GRAMD1B: variants seen among roughly 807,000 people sequenced by gnomAD.
GRAMD1B encodes GRAM domain containing 1B.
In GRAMD1B, 37 loss-of-function variants were observed where a neutral mutation model predicts 99.7. The ratio of observed to expected loss-of-function variants is 0.37; its 90% CI spans 0.29 to 0.49. The LOEUF (loss-of-function observed/expected upper bound fraction) is 0.49, where lower values mean the gene tolerates loss of function less well. Ranked by LOEUF, GRAMD1B falls within the 20% of genes least tolerant of loss-of-function variation. GRAMD1B has a pLI of 0.98. For synonymous variants in GRAMD1B, 427 were observed against 387.6 expected (o/e 1.10, Z -1.19); for missense variants, 888 against 1,009.2 (o/e 0.88, Z 1.63).
rs980068185 is a variant in GRAMD1B, at chr11:123,492,791, G to C, written c.452+11898G>C. Among the ~76,000 whole-genome samples, 2 of 152,004 alleles carry C rather than the reference G, an allele frequency of 1.3e-5. No homozygotes were observed. The highest frequency in any genetic ancestry group is 2.9e-5 in the Non-Finnish European group (2 of 68,006). ...AAAGAGGGGCCAAATGGATTTCAGA[G>C]GTAGGGAGAGGCTAGAGGCAGTAGG... On this transcript the variant is annotated intron_variant, in intron 2 of 19. Transcript: ENST00000635736. This position sits in a 1 kb window ranked among gnomAD's most constrained non-coding sequence, Gnocchi z 4.2.
At chr11:123,450,392 C>G (rs1164934637) in intron 1 of GRAMD1B, among the ~76,000 whole-genome samples, 1 of 152,162 alleles carries the variant, frequency 6.6e-6, no homozygotes, top group East Asian at 1.9e-4. Flanking sequence ...ACTAATCCAA[C>G]AAACATTTAT....
chr11:123,554,338 G>C (rs773303749), intron 2 of GRAMD1B, among the ~76,000 whole-genome samples: 4 of 152,106 alleles, frequency 2.6e-5, no homozygotes, highest in Non-Finnish European at 4.4e-5. Flanking sequence ...TAGTGTATCA[G>C]TGAGGGTCCC....
intron 12 of GRAMD1B, among the ~76,000 whole-genome samples, chr11:123,609,534 A>G (rs1953242624): frequency 6.6e-6 from 1 of 152,178 alleles, no homozygotes; most frequent in Admixed American, 6.5e-5. Flanking sequence ...AGGTGGCCCC[A>G]AGACCTCCTG....
intron 4 of GRAMD1B, among the ~76,000 whole-genome samples, chr11:123,589,150 C>T (rs948085655): frequency 1.3e-5 from 2 of 151,426 alleles, no homozygotes; most frequent in African/African-American, 4.9e-5. Flanking sequence ...CATGTTGGGG[C>T]TCAAAGGGTT....
rs769635175 is a variant in GRAMD1B at position 123,626,478 on chromosome 11, G to T, written c.*3883G>T. ...ATCTTTCTGGATGCTTGTGGTCCCAGAAGGGTACTTTCTGTGTCATACCAT... is the reference window on the plus strand; with the variant it reads ...ATCTTTCTGGATGCTTGTGGTCCCATAAGGGTACTTTCTGTGTCATACCAT... On this transcript the variant is annotated 3_prime_UTR_variant, in exon 20 of 20. Transcript: ENST00000635736. The T allele has an allele frequency of 2.0e-5, 3 of 151,994 alleles. No individual in the cohort carries two copies. The highest frequency in any genetic ancestry group is 2.9e-5 in the Non-Finnish European group (2 of 68,044). 9.4% of individuals were successfully genotyped at this position (151,994 alleles called of 1,614,324 possible).
chr11:123,400,058 G>A (rs984000881), intron 1 of GRAMD1B, among the ~76,000 whole-genome samples: 1 of 152,092 alleles, frequency 6.6e-6, no homozygotes, highest in Admixed American at 6.5e-5. Context: ...GGGTTATTTG[G>A]TGTTTTGCTA....
At chr11:123,391,947 T>C (rs1026888489) in intron 1 of GRAMD1B, among the ~76,000 whole-genome samples, 2 of 152,100 alleles carry the variant, frequency 1.3e-5, no homozygotes, top group Non-Finnish European at 2.9e-5. Flanking sequence ...AGGAGATTAG[T>C]GACAAATTCT....
At chr11:123,493,732 G>C (rs1014888408) in intron 2 of GRAMD1B, among the ~76,000 whole-genome samples, 1 of 152,332 alleles carries the variant, frequency 6.6e-6, no homozygotes, top group South Asian at 2.1e-4. Context: ...TTCTGCAGTG[G>C]AAGTGTCCCT....
At chr11:123,504,784 C>T (rs11219175) in intron 2 of GRAMD1B, among the ~76,000 whole-genome samples, 5 of 152,178 alleles carry the variant, frequency 3.3e-5, no homozygotes, top group Admixed American at 2.0e-4. Flanking sequence ...CAGGTTCAAG[C>T]GATTCTCATA....
chr11:123,584,999 T>C (rs529268834), intron 4 of GRAMD1B, among the ~76,000 whole-genome samples: 1 of 152,334 alleles, frequency 6.6e-6, no homozygotes, highest in East Asian at 1.9e-4. Flanking sequence ...TTTGGACGTT[T>C]TCCTCTGCAG....
intron 1 of GRAMD1B, among the ~76,000 whole-genome samples, chr11:123,399,430 G>A (rs1947578899): frequency 6.6e-6 from 1 of 152,158 alleles, no homozygotes; most frequent in Non-Finnish European, 1.5e-5. Context: ...CCTGATTTCA[G>A]TTTCTTTGGA....
At chr11:123,477,155 C>T (rs12225257) in intron 1 of GRAMD1B, among the ~76,000 whole-genome samples, 16,997 of 151,076 alleles carry the variant, frequency 0.11, 1,325 homozygotes, top group East Asian at 0.39. Flanking sequence ...CTCTTTCTTT[C>T]TTTCCTCCTT....
At position 123,591,662 on chromosome 11, in the gene GRAMD1B, A is replaced by G. The variant is rs1305287036; in HGVS notation, c.685-2420A>G. The G allele has an allele frequency of 2.5e-6, 1 of 395,398 alleles. No individual in the cohort carries two copies. The highest frequency in any genetic ancestry group is 3.6e-5 in the East Asian group (1 of 27,924). The allele number at this position is 395,398 out of a possible 1,614,324, so 24.5% of individuals were successfully genotyped here. A position where few individuals can be genotyped will look rare whatever the true frequency, so the allele number is the denominator to read the frequency against. On this transcript the variant is annotated intron_variant, in intron 4 of 19. Coordinates refer to ENST00000635736, the MANE Select transcript of GRAMD1B (RefSeq NM_001387025.1). This position sits in a 1 kb window ranked among gnomAD's most constrained non-coding sequence, Gnocchi z 4.7. Reference sequence around the variant, plus strand: ...ATCTTGGAACCGAAATTATTTGACCATTTTAAATTGAAATAGGTGAGCCAG... The same window carrying G: ...ATCTTGGAACCGAAATTATTTGACCGTTTTAAATTGAAATAGGTGAGCCAG...
intron 2 of GRAMD1B, among the ~76,000 whole-genome samples, chr11:123,483,254 C>A (rs1951708125): frequency 6.6e-6 from 1 of 152,130 alleles, no homozygotes; most frequent in African/African-American, 2.4e-5. Context: ...GGCATGTATA[C>A]AGCGTGGATA....
chr11:123,613,664 T>C lies in GRAMD1B; in HGVS notation c.2227+6T>C. 6.2e-7 allele frequency: 1 copy of C among 1,611,252 alleles called. No homozygotes were observed. Among genetic ancestry groups the C allele is most frequent in the Non-Finnish European group, 8.5e-7 (1 of 1,178,684 alleles). Reference sequence around the variant, plus strand: ...CAGGATCAAACATGTGGCAGGTGTGTGCCAGGTGGGGACAGGTCGGGTGGA... The same window carrying C: ...CAGGATCAAACATGTGGCAGGTGTGCGCCAGGTGGGGACAGGTCGGGTGGA... On this transcript the variant is annotated splice_donor_region_variant and intron_variant, in intron 16 of 19. Transcript: ENST00000635736.
At chr11:123,443,263 A>G (rs1379134694) in intron 1 of GRAMD1B, among the ~76,000 whole-genome samples, 1 of 152,246 alleles carries the variant, frequency 6.6e-6, no homozygotes, top group African/African-American at 2.4e-5. Flanking sequence ...ATACAGATCA[A>G]TAATGAGATG....
chr11:123,538,581 T>C (rs1235360269), intron 2 of GRAMD1B, among the ~76,000 whole-genome samples: 1 of 152,046 alleles, frequency 6.6e-6, no homozygotes, highest in African/African-American at 2.4e-5. Flanking sequence ...GCAACCACTT[T>C]CTATTTCTGT....
chr11:123,399,470 A>G (rs916094872), intron 1 of GRAMD1B, among the ~76,000 whole-genome samples: 13 of 152,188 alleles, frequency 8.5e-5, no homozygotes, highest in African/African-American at 3.1e-4. Context: ...TTGCTGGATC[A>G]TACAGTATTT....
At chr11:123,505,275 T>C (rs1436238170) in intron 2 of GRAMD1B, among the ~76,000 whole-genome samples, 2 of 152,160 alleles carry the variant, frequency 1.3e-5, no homozygotes, top group Admixed American at 6.5e-5. Flanking sequence ...CAAGTGACTC[T>C]TCCCCCTTAG....
Sources: allele counts gnomAD v4.1 joint callset (sites outside exome capture counted in the v4.1 genomes callset), GRCh38; gene constraint gnomAD v4.1.1; non-coding constraint Gnocchi (gnomAD v3.1); transcripts MANE v1.5; gene names NCBI Gene and HGNC (gene_info 2026-07-23, HGNC 2026-07-21).